SYCE1L: variants seen among roughly 807,000 people sequenced by gnomAD.
The protein encoded by SYCE1L is synaptonemal complex central element protein 1-like.
Under a neutral mutation model 39.6 loss-of-function variants are expected in SYCE1L, and 51 were observed. That is an observed-to-expected ratio of 1.29 (90% CI 1.03 to 1.63). The LOEUF (loss-of-function observed/expected upper bound fraction) is 1.63, where lower values mean the gene tolerates loss of function less well. SYCE1L is among the 40% of genes most tolerant of loss of function. SYCE1L has a pLI of 0.00. For missense variants in SYCE1L, 426 were observed against 304.9 expected (o/e 1.40, Z -2.96); for synonymous variants, 147 against 122.4 (o/e 1.20, Z -1.33).
At chr16:77,206,526 C>A (rs1375400281) in intron 2 of SYCE1L, 26 bp downstream of exon 2, 1 of 1,551,040 alleles carries the variant, frequency 6.4e-7, no homozygotes, top group East Asian at 2.4e-5. Context: ...GTTTCTGAGC[C>A]TCAGCCTGGG....
intron 1 of SYCE1L, chr16:77,201,637 C>T (rs1013135906): frequency 1.3e-5 from 2 of 151,946 alleles, no homozygotes; most frequent in Non-Finnish European, 2.9e-5. Context: ...AGTGTATGGA[C>T]CAGGAATGGT....
rs2054830413 is a variant in SYCE1L at position 77,212,362 on chromosome 16, AATGACGGGTG to A, written c.576_581+4del. ...TGAGGTCGAGGGCGCCATGGCGGTG[AATGACGGGTG>A]AGAGGGGAAGGGAGGAGTGGGCGAG... is the stretch of plus-strand genomic sequence containing the variant. On this transcript the variant is annotated splice_donor_variant and splice_donor_region_variant and coding_sequence_variant and intron_variant, in exon 9 of 11. Transcript: ENST00000378644. LOFTEE classifies it high-confidence loss of function. 2.0e-6 allele frequency: 3 copies of A among 1,527,964 alleles called. No homozygotes were observed. Among genetic ancestry groups the A allele is most frequent in the East Asian group, 5.0e-5 (2 of 40,330 alleles). 94.7% of individuals were successfully genotyped at this position (1,527,964 alleles called of 1,614,324 possible). A position where few individuals can be genotyped will look rare whatever the true frequency, so the allele number is the denominator to read the frequency against.
At chr16:77,209,529 G>A (rs1422288663) in intron 6 of SYCE1L, 58 bp downstream of exon 6, 2 of 1,533,936 alleles carry the variant, frequency 1.3e-6, no homozygotes, top group African/African-American at 1.4e-5. Context: ...AAAGGAGGGA[G>A]CAAGAGCTGT....
chr16:77,206,623 T>A, intron 2 of SYCE1L, 123 bp downstream of exon 2: 3 of 922,518 alleles, frequency 3.3e-6, no homozygotes, highest in East Asian at 5.3e-5. Context: ...CTCCCTCTTA[T>A]ACAGTTTAAT....
chr16:77,203,639 G>GGCTGGAGT (rs1318467025), intron 1 of SYCE1L, among the ~76,000 whole-genome samples: 1 of 130,462 alleles, frequency 7.7e-6, no homozygotes, highest in African/African-American at 2.8e-5. Flanking sequence ...TTGTTGCCCA[G>GGCTGGAGT]GCTGGAGTGC....
At chr16:77,200,534 T>C (rs1471336479) in intron 1 of SYCE1L, 2 of 150,510 alleles carry the variant, frequency 1.3e-5, no homozygotes, top group African/African-American at 4.9e-5. Context: ...GGCGGGTGGG[T>C]CACCTGAGGT....
At chr16:77,212,667 A>C (rs2054833890) in intron 10 of SYCE1L, 21 bp downstream of exon 10, 1 of 1,521,632 alleles carries the variant, frequency 6.6e-7, no homozygotes, top group African/African-American at 1.4e-5. Flanking sequence ...CGAGGAAGGG[A>C]GGCGGGGCGG....
rs972333348 is a variant in SYCE1L, at chr16:77,208,867, A to G, written c.257-230A>G. 4.6e-5 allele frequency among the ~76,000 whole-genome samples: 7 copies of G among 152,286 alleles called. No individual in the cohort carries two copies. The East Asian group carries it at 7.7e-4, about 17-fold the overall frequency. On this transcript the variant is annotated intron_variant, in intron 4 of 10. Coordinates refer to ENST00000378644, the MANE Select transcript of SYCE1L (RefSeq NM_001129979.3). ...TCTTTCTCCTCAGTGTAAACCTTGT[A>G]CATTCTTCAGGGTCTTCACTCCTTC... is the stretch of plus-strand genomic sequence containing the variant.
intron 6 of SYCE1L, among the ~76,000 whole-genome samples, chr16:77,209,677 A>G (rs189547419): frequency 1.3e-5 from 2 of 152,282 alleles, no homozygotes; most frequent in African/African-American, 4.8e-5. Flanking sequence ...TTCGTTACTA[A>G]TTTCTTTATC....
In SYCE1L at chr16:77,212,340, G is replaced by A. The variant is rs1007348612; in HGVS notation, c.552G>A (p.Glu184=). 1.0e-5 allele frequency: 16 copies of A among 1,527,116 alleles called. No individual in the cohort carries two copies. In the Admixed American group the frequency reaches 2.8e-4, roughly 27 times the overall value. 94.6% of individuals were successfully genotyped at this position (1,527,116 alleles called of 1,614,324 possible). A position where few individuals can be genotyped will look rare whatever the true frequency, so the allele number is the denominator to read the frequency against. The stretch of plus-strand genomic sequence containing the variant: ...AGCGGCGGCTGCACTCGCCGCCTGA[G>A]GTCGAGGGCGCCATGGCGGTGAATG... ...EVERRLHSPP[E]VEGAMAVNDG... Residue 184 remains glutamate, a synonymous_variant, in exon 9 of 11, where the codon GAG becomes GAA. Coordinates refer to ENST00000378644, the MANE Select transcript of SYCE1L (RefSeq NM_001129979.3).
At position 77,208,535 on chromosome 16, in the gene SYCE1L, C is replaced by T; in HGVS notation, c.252C>T (p.Asp84=). ...GGGAGGCCCTGCATAGGGAATTAGA[C>T]TCCTGTAAGTGGGGCCAAAAGAGGG... The part of the protein sequence containing the change: ...SLWEALHREL[D]SLNGEKVHLE... Residue 84 remains aspartate (D), a synonymous_variant, in exon 4 of 11, where the codon GAC becomes GAT. Coordinates refer to ENST00000378644, the MANE Select transcript of SYCE1L (RefSeq NM_001129979.3). 1 of 1,551,656 alleles carries T rather than the reference C, an allele frequency of 6.4e-7. No homozygotes were observed.
In SYCE1L at chr16:77,212,175, A is replaced by G; in HGVS notation, c.469A>G (p.Ser157Gly). ...LAREIRALER[S>G]KEQLLSERRL... ...CCGGGAGATCCGTGCCCTGGAGAGA[A>G]GCAAGGAGCAGCTGCTCTCGGAGAG... The change falls in exon 8 of 11, where the codon AGC (serine) becomes GGC (glycine). Residue 157 changes from serine to glycine, a missense_variant. Transcript: ENST00000378644. 1 of 1,549,122 alleles carries G rather than the reference A, an allele frequency of 6.5e-7. No individual in the cohort carries two copies. The highest frequency in any genetic ancestry group is 8.7e-7 in the Non-Finnish European group (1 of 1,146,530).
chr16:77,208,244 T>C lies in SYCE1L; in HGVS notation c.156T>C (p.Ile52=). ...GSLEPQIEDL[I]SRINDLQQAK... ...TGGAGCCACAGATAGAGGACCTGAT[T>C]AGCCGGATTAATGATCTTCAGCAAG... The change falls in exon 3 of 11, where the codon ATT becomes ATC. Residue 52 remains isoleucine (I), a synonymous_variant. Transcript: ENST00000378644. The C allele has an allele frequency of 6.4e-7, 1 of 1,551,670 alleles. No individual in the cohort carries two copies. Among genetic ancestry groups the C allele is most frequent in the Non-Finnish European group, 8.7e-7 (1 of 1,147,002 alleles).
chr16:77,209,556 C>T (rs2054808845), intron 6 of SYCE1L, 85 bp downstream of exon 6: 3 of 1,424,954 alleles, frequency 2.1e-6, no homozygotes, highest in Non-Finnish European at 2.9e-6. Flanking sequence ...GAATCTTGGA[C>T]ACAGAAGCCT....
intron 7 of SYCE1L, among the ~76,000 whole-genome samples, chr16:77,211,497 G>T (rs2054822330): frequency 6.6e-6 from 1 of 152,098 alleles, no homozygotes; most frequent in African/African-American, 2.4e-5. Flanking sequence ...GCCCAGACGG[G>T]TGCAGTACCA....
At position 77,212,560 on chromosome 16, in the gene SYCE1L, C is replaced by G; in HGVS notation, c.582-14C>G. 6.5e-7 allele frequency: 1 copy of G among 1,536,830 alleles called. No individual in the cohort carries two copies. Among genetic ancestry groups the G allele is most frequent in the African/African-American group, 1.4e-5 (1 of 73,082 alleles). On this transcript the variant is annotated splice_polypyrimidine_tract_variant and intron_variant, in intron 9 of 10. Transcript: ENST00000378644. ...CGCTCTCTTCCTCCTGTCTCCTCGG[C>G]CCCTTCTCCGCAGGCTGAAGGCGGA...
intron 2 of SYCE1L, among the ~76,000 whole-genome samples, chr16:77,207,335 T>C (rs2054792508): frequency 1.3e-5 from 2 of 152,182 alleles, no homozygotes; most frequent in South Asian, 2.1e-4. Flanking sequence ...GGACAGCTTT[T>C]TGCCCCAGTT....
At chr16:77,211,600 T>C (rs1233047673) in intron 7 of SYCE1L, among the ~76,000 whole-genome samples, 1 of 152,106 alleles carries the variant, frequency 6.6e-6, no homozygotes, top group Non-Finnish European at 1.5e-5. Context: ...GGTCATTCCT[T>C]CATTTAGCTA....
intron 6 of SYCE1L, 47 bp from the exon 7 acceptor site, chr16:77,211,166 T>C: frequency 6.5e-7 from 1 of 1,546,520 alleles, no homozygotes; most frequent in Non-Finnish European, 8.8e-7. Flanking sequence ...CCCAACAGGG[T>C]GTCAGGCCTA....
Sources: gnomAD v4.1 joint callset for allele counts (sites outside exome capture counted in the v4.1 genomes callset) on GRCh38, gnomAD v4.1.1 for gene constraint, MANE v1.5 for transcripts, NCBI Gene and HGNC (gene_info 2026-07-23, HGNC 2026-07-21) for gene names.